The following DPP6 variants were observed in gnomAD, a reference collection of about 807,000 sequenced individuals.
The protein encoded by DPP6 is A-type potassium channel modulatory protein DPP6.
In DPP6, 69 loss-of-function variants were observed where a neutral mutation model predicts 122.6. The ratio of observed to expected loss-of-function variants is 0.56; its 90% confidence interval spans 0.46 to 0.69. The LOEUF (loss-of-function observed/expected upper bound fraction) is 0.69. DPP6 is among the 30% of genes least tolerant of loss of function. The probability of loss-of-function intolerance (pLI) is 0.00; values close to 1 mark genes in which losing one functional copy is unlikely to be tolerated. For synonymous variants in DPP6, 418 were observed against 433.1 expected, an observed-to-expected ratio of 0.97 and a Z score of 0.43; for missense variants, 928 against 1,116.9, an observed-to-expected ratio of 0.83 and a Z score of 2.41.
At chr7:154,135,688 CCT>C (rs1362616476) in intron 1 of DPP6, among the ~76,000 whole-genome samples, 2 of 151,534 alleles carry the variant, frequency 1.3e-5, no homozygotes, top group African/African-American at 4.9e-5. Context: ...GCACACAGTT[CCT>C]CTCTGTGCAC....
At chr7:154,842,328 G>A (rs578103039) in intron 16 of DPP6, among the ~76,000 whole-genome samples, 1 of 152,222 alleles carries the variant, frequency 6.6e-6, no homozygotes, top group East Asian at 1.9e-4. Flanking sequence ...TGAGGATACA[G>A]ACGAGAGGAA....
chr7:154,267,131 T>A (rs1326691892), intron 1 of DPP6, among the ~76,000 whole-genome samples: 1 of 152,006 alleles, frequency 6.6e-6, no homozygotes. Flanking sequence ...TCTATTAAAG[T>A]CAAGGTTACT....
chr7:154,343,841 A>C (rs1004830847), intron 1 of DPP6, among the ~76,000 whole-genome samples: 1 of 151,144 alleles, frequency 6.6e-6, no homozygotes, highest in Admixed American at 6.6e-5. Flanking sequence ...TTGGCCTCCC[A>C]CAGTGCTGGG....
At chr7:154,700,923 A>T (rs929915525) in intron 7 of DPP6, among the ~76,000 whole-genome samples, 2 of 152,176 alleles carry the variant, frequency 1.3e-5, no homozygotes, top group Non-Finnish European at 2.9e-5. Flanking sequence ...AGACCTTCCC[A>T]TCAGACAGAC....
At chr7:154,408,823 G>C (rs1306223142) in intron 1 of DPP6, among the ~76,000 whole-genome samples, 2 of 149,806 alleles carry the variant, frequency 1.3e-5, no homozygotes, top group Non-Finnish European at 3.0e-5. Context: ...TTTATGGATT[G>C]AATTGTATTC....
intron 2 of DPP6, among the ~76,000 whole-genome samples, chr7:154,448,888 C>G (rs796576898): frequency 2.0e-5 from 3 of 151,968 alleles, no homozygotes; most frequent in African/African-American, 7.3e-5. Flanking sequence ...GCAGTTGGAC[C>G]CCCAACTCGT....
chr7:154,217,246 G>T (rs1217868248), intron 1 of DPP6, among the ~76,000 whole-genome samples: 1 of 152,136 alleles, frequency 6.6e-6, no homozygotes, highest in Non-Finnish European at 1.5e-5. Flanking sequence ...GGGAGCATTG[G>T]TGCGGGTTAC....
chr7:154,246,156 A>G (rs531319783), intron 1 of DPP6, among the ~76,000 whole-genome samples: 1 of 152,210 alleles, frequency 6.6e-6, no homozygotes, highest in Non-Finnish European at 1.5e-5. Flanking sequence ...TCATGGGTCA[A>G]AGAAAGTACA....
chr7:154,470,276 TTTCC>T (rs1380990164), intron 2 of DPP6, among the ~76,000 whole-genome samples: 1 of 152,188 alleles, frequency 6.6e-6, no homozygotes, highest in African/African-American at 2.4e-5. Context: ...TCAATGTAAC[TTTCC>T]TTCCTCCTCA....
At chr7:154,107,392 C>T (rs968214758) in intron 1 of DPP6, among the ~76,000 whole-genome samples, 4 of 152,096 alleles carry the variant, frequency 2.6e-5, no homozygotes, top group Admixed American at 2.6e-4. Flanking sequence ...GTCAAAATTA[C>T]AGAGGCAGAG....
intron 1 of DPP6, among the ~76,000 whole-genome samples, chr7:154,127,479 G>A (rs1302942838): frequency 6.6e-6 from 1 of 152,056 alleles, no homozygotes; most frequent in African/African-American, 2.4e-5. Flanking sequence ...TGAGCTGCTT[G>A]CTGTACACGA....
intron 1 of DPP6, among the ~76,000 whole-genome samples, chr7:154,009,013 C>A (rs1040050895): frequency 7.8e-6 from 1 of 128,144 alleles, no homozygotes; most frequent in African/African-American, 3.0e-5. Flanking sequence ...GTTAGCCACC[C>A]CCCAGAGAAA....
exon 1 of DPP6, chr7:153,887,328 A>T: frequency 5.5e-6 from 1 of 181,304 alleles, no homozygotes; most frequent in Non-Finnish European, 1.2e-5. Flanking sequence ...CTCGGTGGAC[A>T]CGCGCGCAGT....
chr7:154,207,814 A>T (rs1236837948), intron 1 of DPP6, among the ~76,000 whole-genome samples: 1 of 152,166 alleles, frequency 6.6e-6, no homozygotes. Flanking sequence ...ACGTAGCCGG[A>T]TGCGATGGCG....
rs77229250 is a variant in DPP6, at chr7:154,641,117, G to A, written c.680+3244G>A. Reference sequence around the variant, plus strand: ...ATCCCCCTCTCACTCCCCAGTCCCCGCTGTTAGCTTCCTTCCTCCGATGGC... The same window carrying A: ...ATCCCCCTCTCACTCCCCAGTCCCCACTGTTAGCTTCCTTCCTCCGATGGC... On this transcript the variant is annotated intron_variant, in intron 6 of 25. Coordinates refer to ENST00000377770, the MANE Select transcript of DPP6 (RefSeq NM_130797.4). 4.0e-3 allele frequency among the ~76,000 whole-genome samples: 612 copies of A among 152,178 alleles called. 5 individuals are homozygous for A. Among genetic ancestry groups the A allele is most frequent in the African/African-American group, 0.013 (559 of 41,502 alleles).
the DPP6 span, among the ~76,000 whole-genome samples, chr7:153,872,294 C>T: frequency 2.4e-4 from 37 of 152,226 alleles, no homozygotes; most frequent in Non-Finnish European, 4.1e-4. Context: ...CTCACAGGTG[C>T]ACTTATATCT....
intron 1 of DPP6, among the ~76,000 whole-genome samples, chr7:154,317,639 G>C (rs1490295896): frequency 6.6e-6 from 1 of 152,298 alleles, no homozygotes; most frequent in South Asian, 2.1e-4. Flanking sequence ...AAATCTAATG[G>C]TGATACTTGG....
rs371379972 is a variant in DPP6 at position 154,171,697 on chromosome 7, G to A, written c.243+118634G>A. Among the ~76,000 whole-genome samples the A allele has an allele frequency of 3.3e-5, 5 of 152,166 alleles. No individual in the cohort carries two copies. In the East Asian group the frequency reaches 7.8e-4, roughly 24 times the overall value. On this transcript the variant is annotated intron_variant, in intron 1 of 25. Transcript: ENST00000377770. ...CTCTGAGAGCTGTGCTGCAGCCCAG[G>A]GCCACGTGGACAGGGTGCTGGTGCA... is the stretch of plus-strand genomic sequence containing the variant.
chr7:154,861,314 T>C (rs1803377609), intron 17 of DPP6, among the ~76,000 whole-genome samples: 1 of 152,236 alleles, frequency 6.6e-6, no homozygotes, highest in African/African-American at 2.4e-5. Context: ...TTCTCATTAA[T>C]TCAAAGCTGT....
Sources: gnomAD v4.1 joint callset for allele counts (sites outside exome capture counted in the v4.1 genomes callset) on GRCh38, gnomAD v4.1.1 for gene constraint, MANE v1.5 for transcripts, NCBI Gene and HGNC (gene_info 2026-07-23, HGNC 2026-07-21) for gene names.